Variants in TTN observed in about 807,000 individuals in gnomAD.
TTN encodes the protein connectin.
TTN carries 1,525 observed loss-of-function variants against 3,223.0 expected under a neutral mutation model. That is an observed-to-expected ratio of 0.47 (90% CI 0.45 to 0.49). TTN has a LOEUF of 0.49. Among genes scored for constraint, TTN ranks in the 20% least tolerant of loss-of-function variants. TTN has a pLI of 0.00. For missense variants in TTN, 40,786 were observed against 43,424.0 expected (o/e 0.94, Z 5.40); for synonymous variants, 14,094 against 15,161.0 (o/e 0.93, Z 5.17).
rs770839243 is a variant in TTN at position 178,614,531 on chromosome 2, G to A, written c.48983C>T (p.Thr16328Ile). The A allele has an allele frequency of 5.6e-6, 9 of 1,612,288 alleles. No individual in the cohort carries two copies. The South Asian group carries it at 7.7e-5, about 14-fold the overall frequency. ...CACATTCACAGCCTCAATGATATAT[G>A]TGCCAGTGTCACTTCTCTTACTATC... ...IVDSKRSDTG[T>I]YIIEAVNVCG... The change falls in exon 261 of 363, where the codon ACA becomes ATA. Residue 16328 changes from threonine (T) to isoleucine (I), a missense_variant. Coordinates refer to ENST00000589042, the MANE Select transcript of TTN (RefSeq NM_001267550.2).
chr2:178,601,808 T>C, intron 285 of TTN, 21 bp from the exon 286 acceptor site: 2 of 1,603,372 alleles, frequency 1.2e-6, no homozygotes, highest in African/African-American at 2.7e-5. Context: ...AAAATAGTAG[T>C]CATACATTGA....
chr2:178,742,300 A>C (rs2082639536), intron 47 of TTN, among the ~76,000 whole-genome samples: 2 of 152,088 alleles, frequency 1.3e-5, no homozygotes, highest in South Asian at 4.1e-4. Context: ...CAGAATTGTT[A>C]TTTATATTTA....
At chr2:178,754,879 G>A (rs937770127) in intron 46 of TTN, among the ~76,000 whole-genome samples, 8 of 152,120 alleles carry the variant, frequency 5.3e-5, no homozygotes, top group African/African-American at 1.2e-4. Context: ...TAGGTGTTGC[G>A]GATACATTAT....
At position 178,533,072 on chromosome 2, in the gene TTN, T is replaced by A. The variant is rs1689896999; in HGVS notation, c.103543A>T (p.Ser34515Cys). ...AATTCCCCTTTTACAGTCTTGGTGC[T>A]TACAGCCGGTTTATAAAGGACAGCA... ...EAAVLYKPAV[S>C]TKTVKGEFRL... The change falls in exon 358 of 363, where the codon AGC becomes TGC. Residue 34515 changes from serine to cysteine, a missense_variant. Transcript: ENST00000589042. 1 of 1,613,864 alleles carries A rather than the reference T, an allele frequency of 6.2e-7. No homozygotes were observed. The highest frequency in any genetic ancestry group is 1.7e-5 in the Admixed American group (1 of 60,006).
At chr2:178,766,339 C>A in intron 41 of TTN, 42 bp downstream of exon 41, 1 of 1,475,356 alleles carries the variant, frequency 6.8e-7, no homozygotes, top group Non-Finnish European at 9.5e-7. Context: ...AGGATTATTT[C>A]TGATGGATCC....
At position 178,530,676 on chromosome 2, in the gene TTN, C is replaced by A. The variant is rs1688720188; in HGVS notation, c.105939G>T (p.Arg35313Ser). The A allele has an allele frequency of 6.2e-7, 1 of 1,613,916 alleles. No homozygotes were observed. Among genetic ancestry groups the A allele is most frequent in the Non-Finnish European group, 8.5e-7 (1 of 1,179,888 alleles). ...CTTTATACCAGGTGACCTCTTTTGCCCTTAATACACTGCTTTCAACCACAC... is the reference window on the plus strand; with the variant it reads ...CTTTATACCAGGTGACCTCTTTTGCACTTAATACACTGCTTTCAACCACAC... ...LTCVVESSVLRAKEVTWYKDG... is the reference protein window; with the variant it reads ...LTCVVESSVLSAKEVTWYKDG... The change falls in exon 358 of 363, where the codon AGG (arginine) becomes AGT (serine). Residue 35313 changes from arginine to serine, a missense_variant. Arg to Ser is a moderately radical substitution (Grantham distance 110). Coordinates refer to ENST00000589042, the MANE Select transcript of TTN (RefSeq NM_001267550.2).
intron 320 of TTN, 30 bp downstream of exon 320, chr2:178,578,776 C>A (rs2047035303): frequency 6.2e-7 from 1 of 1,605,524 alleles, no homozygotes; most frequent in Non-Finnish European, 8.5e-7. Context: ...CCGTGTTTTG[C>A]TTTACGTCTT....
rs1302907540 is a variant in TTN, at chr2:178,633,038, C to T, written c.43093G>A (p.Glu14365Lys). Residue 14365 changes from glutamate to lysine, a missense_variant, in exon 234 of 363, where the codon GAA (glutamate) becomes AAA (lysine). Coordinates refer to ENST00000589042, the MANE Select transcript of TTN (RefSeq NM_001267550.2). ...TGCTTCTTTCCATCCTCAATGATTT[C>T]ACAGTCCTGTTTGGAGTGAGGGTTA... is the stretch of plus-strand genomic sequence containing the variant. ...GQPLTASPDCEIIEDGKKHIL... is the reference protein window; with the variant it reads ...GQPLTASPDCKIIEDGKKHIL... 5.0e-6 allele frequency: 8 copies of T among 1,612,824 alleles called. No individual in the cohort carries two copies. Among genetic ancestry groups the T allele is most frequent in the Non-Finnish European group, 6.8e-6 (8 of 1,179,294 alleles).
Position 178,565,644 on chromosome 2 carries a change from C to A in TTN, c.80488G>T (p.Val26830Leu). The A allele has an allele frequency of 1.2e-6, 2 of 1,613,584 alleles. No individual in the cohort carries two copies. Among genetic ancestry groups the A allele is most frequent in the Admixed American group, 1.7e-5 (1 of 59,996 alleles). Reference sequence around the variant, plus strand: ...GCATTACAGACTTTGGATTCAGCCACAATGCTCCATTTTTCAGTTCCTTTG... The same window carrying A: ...GCATTACAGACTTTGGATTCAGCCAAAATGCTCCATTTTTCAGTTCCTTTG... ...QPKGTEKWSI[V>L]AESKVCNAVV... The change falls in exon 326 of 363, where the codon GTG (valine) becomes TTG (leucine). Residue 26830 changes from valine (V) to leucine (L), a missense_variant. Physicochemically the swap from Val to Leu is conservative, Grantham distance 32. Transcript: ENST00000589042.
chr2:178,527,264 A>G lies in TTN; in HGVS notation c.107724T>C (p.Ile35908=), dbSNP rs748517132. The part of the protein sequence containing the change: ...KIEALPSDIS[I]DEGKVLTVAC... The stretch of plus-strand genomic sequence containing the variant: ...CTACTGTTAGAACTTTGCCTTCATC[A>G]ATGCTGATATCAGATGGAAGAGCTT... The change falls in exon 363 of 363, where the codon ATT becomes ATC. Residue 35908 remains isoleucine, a synonymous_variant. Transcript: ENST00000589042. 5.6e-6 allele frequency: 9 copies of G among 1,610,604 alleles called. No homozygotes were observed. Among genetic ancestry groups the G allele is most frequent in the Middle Eastern group, 1.7e-4 (1 of 6,038 alleles).
chr2:178,776,084 A>G lies in TTN; in HGVS notation c.5780T>C (p.Leu1927Pro). Residue 1927 changes from leucine to proline, a missense_variant, in exon 28 of 363, where the codon CTT becomes CCT. Physicochemically the swap from Leu to Pro is moderately conservative, Grantham distance 98. Transcript: ENST00000589042. Reference sequence around the variant, plus strand: ...AAAATCTTCCCTCTGTTGAATCTCAAGCTTCACTTTATGCTCTATCACACC... The same window carrying G: ...AAAATCTTCCCTCTGTTGAATCTCAGGCTTCACTTTATGCTCTATCACACC... Reference protein sequence around the residue: ...PEGVIEHKVKLEIQQREDFRS... With the variant: ...PEGVIEHKVKPEIQQREDFRS... The G allele has an allele frequency of 6.2e-7, 1 of 1,614,106 alleles. No homozygotes were observed. The highest frequency in any genetic ancestry group is 2.2e-5 in the East Asian group (1 of 44,872).
chr2:178,647,386 G>T lies in TTN; in HGVS notation c.40136C>A (p.Ala13379Asp), dbSNP rs935214180. The change falls in exon 214 of 363, where the codon GCT becomes GAT. Residue 13379 changes from alanine to aspartate, a missense_variant. Coordinates refer to ENST00000589042, the MANE Select transcript of TTN (RefSeq NM_001267550.2). ...TTTATGGAGAAGCCGTGTACCTTCA[G>T]CAGGTGGAACTTCTGGCTCTGCAGG... Reference protein sequence around the residue: ...PIPAEPEVPPAEVEETPEEII... With the variant: ...PIPAEPEVPPDEVEETPEEII... The T allele has an allele frequency of 9.7e-6, 15 of 1,549,626 alleles. 1 individual carries two copies. In the African/African-American group the frequency reaches 2.1e-4, roughly 21 times the overall value.
chr2:178,782,720 A>G, intron 18 of TTN, 86 bp downstream of exon 18: 16 of 1,608,262 alleles, frequency 9.9e-6, no homozygotes, highest in Non-Finnish European at 1.3e-5. Flanking sequence ...CATCATTTCA[A>G]GGTGCACAGA....
In TTN at chr2:178,588,815, T is replaced by C. The variant is rs780378348; in HGVS notation, c.62910A>G (p.Pro20970=). 1 of 1,613,396 alleles carries C rather than the reference T, an allele frequency of 6.2e-7. No homozygotes were observed. The highest frequency in any genetic ancestry group is 8.5e-7 in the Non-Finnish European group (1 of 1,179,574). ...CTTCTTTGCTTACTTTAGTGACTTCTGGGGGATCAGGGCGACCAGGTTTAT... is the reference window on the plus strand; with the variant it reads ...CTTCTTTGCTTACTTTAGTGACTTCCGGGGGATCAGGGCGACCAGGTTTAT... ...KYDKPGRPDP[P]EVTKVSKEEM... is the part of the protein sequence containing the mutation. The change falls in exon 304 of 363, where the codon CCA becomes CCG. Residue 20970 remains proline, a synonymous_variant. Transcript: ENST00000589042.
chr2:178,709,355 C>T (rs887418529), intron 99 of TTN, among the ~76,000 whole-genome samples: 1 of 152,050 alleles, frequency 6.6e-6, no homozygotes, highest in Admixed American at 6.6e-5. Flanking sequence ...GATATTAGTC[C>T]GTTAAATGAC....
intron 332 of TTN, 117 bp downstream of exon 332, chr2:178,554,336 A>G: frequency 7.0e-7 from 1 of 1,434,272 alleles, no homozygotes; most frequent in South Asian, 1.3e-5. Context: ...TCACCTTGTG[A>G]AAAGGATGGT....
In TTN at chr2:178,694,609, A is replaced by G. The variant is rs1378402765; in HGVS notation, c.31416T>C (p.Ile10472=). ...CACAAAGATGTATACCTTTCACTTC[A>G]ATAACTTCTTCCTGTACTGGAGTCC... is the stretch of plus-strand genomic sequence containing the variant. ...PSRTPVQEEV[I]EVKVPAVHTK... The change falls in exon 117 of 363, where the codon ATT becomes ATC. Residue 10472 remains isoleucine, a synonymous_variant. Coordinates refer to ENST00000589042, the MANE Select transcript of TTN (RefSeq NM_001267550.2). 6.4e-7 allele frequency: 1 copy of G among 1,556,712 alleles called. No homozygotes were observed.
In TTN at chr2:178,629,390, C is replaced by G. The variant is rs1262894259; in HGVS notation, c.44335G>C (p.Glu14779Gln). ...AGCTCGCAGTCGAAGGTGGCTGTTT[C>G]CCCTGCAGTCACGGTGACATCCTTT... ...PLKDVTVTAG[E>Q]TATFDCELSY... is the part of the protein sequence containing the mutation. Residue 14779 changes from glutamate to glutamine, a missense_variant, in exon 240 of 363, where the codon GAA (glutamate) becomes CAA (glutamine). Transcript: ENST00000589042. The G allele has an allele frequency of 1.2e-6, 2 of 1,613,030 alleles. No individual in the cohort carries two copies. Among genetic ancestry groups the G allele is most frequent in the Non-Finnish European group, 1.7e-6 (2 of 1,179,328 alleles).
At position 178,776,181 on chromosome 2, in the gene TTN, G is replaced by A. The variant is rs794729577; in HGVS notation, c.5683C>T (p.His1895Tyr). 1.2e-5 allele frequency: 20 copies of A among 1,613,990 alleles called. No individual in the cohort carries two copies. The highest frequency in any genetic ancestry group is 1.6e-5 in the Non-Finnish European group (19 of 1,179,996). The change falls in exon 28 of 363, where the codon CAT (histidine) becomes TAT (tyrosine). Residue 1895 changes from histidine to tyrosine, a missense_variant. By Grantham distance (83) the His-to-Tyr change is moderately conservative. Transcript: ENST00000589042. ...KRFRVRYDGI[H>Y]YLDIVDCKSY... is the part of the protein sequence containing the mutation. ...TTGCAGTCCACGATGTCCAGGTAAT[G>A]GATACCATCATAGCGAACTCTGAAC...
Sources: allele counts gnomAD v4.1 joint callset (sites outside exome capture counted in the v4.1 genomes callset), GRCh38; gene constraint gnomAD v4.1.1; transcripts MANE v1.5; gene names NCBI Gene and HGNC (gene_info 2026-07-23, HGNC 2026-07-21).